Variants in SPAG17 observed in about 807,000 individuals in gnomAD.
SPAG17 encodes sperm-associated antigen 17.
Under a neutral mutation model 273.6 loss-of-function variants are expected in SPAG17, and 169 were observed. That is an observed-to-expected ratio of 0.62 (90% CI 0.55 to 0.70). The LOEUF is 0.70. SPAG17 is among the 30% of genes least tolerant of loss of function. The pLI is 0.00. For missense variants in SPAG17, 2,557 were observed against 2,627.8 expected (o/e 0.97, Z 0.59); for synonymous variants, 825 against 873.2 (o/e 0.94, Z 0.97).
intron 18 of SPAG17, among the ~76,000 whole-genome samples, chr1:118,059,786 G>A (rs1274134015): frequency 6.6e-6 from 1 of 151,930 alleles, no homozygotes; most frequent in East Asian, 1.9e-4. Flanking sequence ...TATTTGCATG[G>A]AATATCTTTT....
At chr1:118,063,806 A>G (rs1375720581) in intron 18 of SPAG17, among the ~76,000 whole-genome samples, 2 of 152,132 alleles carry the variant, frequency 1.3e-5, no homozygotes, top group South Asian at 2.1e-4. Flanking sequence ...GCAACCTACA[A>G]AATGGGAGAA....
At chr1:118,123,521 G>T (rs1657536347) in intron 3 of SPAG17, among the ~76,000 whole-genome samples, 1 of 152,126 alleles carries the variant, frequency 6.6e-6, no homozygotes, top group Non-Finnish European at 1.5e-5. Context: ...AGATCATACT[G>T]TCTGTCTAAC....
At chr1:117,976,072 A>AC (rs1247241900) in intron 43 of SPAG17, among the ~76,000 whole-genome samples, 4 of 152,218 alleles carry the variant, frequency 2.6e-5, no homozygotes, top group African/African-American at 9.6e-5. Flanking sequence ...GCCCAGTGTC[A>AC]CATAGCTATT....
intron 8 of SPAG17, 121 bp from the exon 9 acceptor site, chr1:118,092,123 A>G (rs1655416265): frequency 1.3e-6 from 1 of 799,750 alleles, no homozygotes; most frequent in East Asian, 2.5e-5. Flanking sequence ...TTCACACCAC[A>G]AAATCATCTG....
Position 118,185,109 on chromosome 1 carries a change from T to C in SPAG17, c.49A>G (p.Ile17Val), listed in dbSNP as rs370999612. 8 of 1,614,032 alleles carry C rather than the reference T, an allele frequency of 5.0e-6. No individual in the cohort carries two copies. In the African/African-American group the frequency reaches 9.3e-5, roughly 19 times the overall value. ...GCAGCTATGAGCGAGGGTTCCCATA[T>C]CTTAGAACTGGTGTTCACAGTTCCT... is the stretch of plus-strand genomic sequence containing the variant. ...KGGTVNTSSK[I>V]WEPSLIAAQF... The change falls in exon 1 of 49, where the codon ATA becomes GTA. Residue 17 changes from isoleucine (I) to valine (V), a missense_variant. By Grantham distance (29) the Ile-to-Val change is conservative. Coordinates refer to ENST00000336338, the MANE Select transcript of SPAG17 (RefSeq NM_206996.4).
intron 47 of SPAG17, chr1:117,965,098 A>G (rs1423085840): frequency 2.0e-5 from 3 of 152,204 alleles, no homozygotes; most frequent in Non-Finnish European, 4.4e-5. Flanking sequence ...AATTTTCTTG[A>G]AAGAATATCC....
chr1:117,958,654 T>C (rs1406391243), intron 48 of SPAG17, among the ~76,000 whole-genome samples: 1 of 152,210 alleles, frequency 6.6e-6, no homozygotes, highest in Non-Finnish European at 1.5e-5. Flanking sequence ...GGCAGGTTGC[T>C]GGGCTGGAAG....
intron 43 of SPAG17, 81 bp downstream of exon 43, chr1:117,981,189 C>T: frequency 7.0e-7 from 1 of 1,421,102 alleles, no homozygotes. Flanking sequence ...CTCAACCTCG[C>T]CTCCTAGCGC....
intron 3 of SPAG17, among the ~76,000 whole-genome samples, chr1:118,132,928 T>C (rs1832983): frequency 0.59 from 89,678 of 151,820 alleles, 26,977 homozygotes; most frequent in African/African-American, 0.69. Flanking sequence ...CGTGCCACCA[T>C]ACCCAGCTAT....
In SPAG17 at chr1:118,101,721, G is replaced by A; in HGVS notation, c.634+19C>T. On this transcript the variant is annotated intron_variant, in intron 5 of 48. Coordinates refer to ENST00000336338, the MANE Select transcript of SPAG17 (RefSeq NM_206996.4). ...GTTTCACTCGTGAAAGGCACCGCCG[G>A]CAGCAGCACCTTACTGACCAATGTA... 4 of 1,598,534 alleles carry A rather than the reference G, an allele frequency of 2.5e-6. No homozygotes were observed. The highest frequency in any genetic ancestry group is 3.4e-6 in the Non-Finnish European group (4 of 1,174,554).
In SPAG17 at chr1:118,039,282, A is replaced by G. The variant is rs767484478; in HGVS notation, c.3319+10T>C. The G allele has an allele frequency of 6.8e-6, 11 of 1,611,356 alleles. No homozygotes were observed. Among genetic ancestry groups the G allele is most frequent in the Non-Finnish European group, 9.3e-6 (11 of 1,178,752 alleles). On this transcript the variant is annotated intron_variant, in intron 23 of 48. Coordinates refer to ENST00000336338, the MANE Select transcript of SPAG17 (RefSeq NM_206996.4). ...AGTCAGAAGAAAGAAACCACTAAAC[A>G]GCAGCTTACCCGTTTCAAGACTTTG...
intron 4 of SPAG17, among the ~76,000 whole-genome samples, chr1:118,105,101 T>C (rs1222848438): frequency 1.3e-5 from 2 of 152,082 alleles, no homozygotes; most frequent in Non-Finnish European, 2.9e-5. Flanking sequence ...CTTAGTTTCA[T>C]AACTAAGAAC....
At chr1:118,084,760 T>C (rs1328389306) in intron 13 of SPAG17, among the ~76,000 whole-genome samples, 1 of 152,190 alleles carries the variant, frequency 6.6e-6, no homozygotes, top group Non-Finnish European at 1.5e-5. Context: ...TCCTGCTCAG[T>C]AATGTAAGGA....
chr1:118,047,409 T>C (rs917883114), intron 20 of SPAG17, among the ~76,000 whole-genome samples: 1 of 152,186 alleles, frequency 6.6e-6, no homozygotes, highest in Non-Finnish European at 1.5e-5. Flanking sequence ...CCTCCATGCC[T>C]GCCCCAATGC....
intron 1 of SPAG17, among the ~76,000 whole-genome samples, chr1:118,155,895 A>G (rs1659624256): frequency 6.6e-6 from 1 of 152,210 alleles, no homozygotes; most frequent in Admixed American, 6.5e-5. Context: ...GAGTGTTGGT[A>G]TGGGCTTTTG....
intron 1 of SPAG17, among the ~76,000 whole-genome samples, chr1:118,163,656 C>T (rs1660034024): frequency 6.6e-6 from 1 of 151,454 alleles, no homozygotes. Context: ...CCTCTCTATC[C>T]CTACTTCACA....
At chr1:118,026,002 G>A (rs1036413263) in intron 26 of SPAG17, among the ~76,000 whole-genome samples, 6 of 152,160 alleles carry the variant, frequency 3.9e-5, no homozygotes, top group African/African-American at 7.2e-5. Context: ...GAAGGAAGCC[G>A]AGTTTTGCTG....
intron 1 of SPAG17, among the ~76,000 whole-genome samples, chr1:118,155,464 A>T (rs1659604437): frequency 6.6e-6 from 1 of 152,216 alleles, no homozygotes; most frequent in South Asian, 2.1e-4. Flanking sequence ...CTCTATTAGC[A>T]CCAGCAACTT....
At chr1:118,165,280 C>T (rs1479017862) in intron 1 of SPAG17, among the ~76,000 whole-genome samples, 2 of 152,016 alleles carry the variant, frequency 1.3e-5, no homozygotes, top group Non-Finnish European at 2.9e-5. Context: ...CAAGTGATGC[C>T]GAAACTTCTG....
Sources: allele counts gnomAD v4.1 joint callset (sites outside exome capture counted in the v4.1 genomes callset), GRCh38; gene constraint gnomAD v4.1.1; transcripts MANE v1.5; gene names NCBI Gene and HGNC (gene_info 2026-07-23, HGNC 2026-07-21).